The following GLIS3 variants were observed in gnomAD, a reference collection of about 807,000 sequenced individuals.
GLIS3 encodes GLIS family zinc finger 3.
A neutral mutation model predicts 78.6 loss-of-function variants in GLIS3; 53 were observed. The observed-to-expected ratio is 0.67, with a 90% confidence interval of 0.54 to 0.85. GLIS3 has a LOEUF of 0.85. Among genes scored for constraint, GLIS3 ranks in the 40% least tolerant of loss-of-function variants. The pLI is 0.00. For synonymous variants in GLIS3, 684 were observed against 509.9 expected (o/e 1.34, Z -4.60); for missense variants, 1,703 against 1,231.1 (o/e 1.38, Z -5.74).
chr9:3,912,296 G>C (rs1443340580), intron 6 of GLIS3, among the ~76,000 whole-genome samples: 3 of 152,126 alleles, frequency 2.0e-5, no homozygotes, highest in African/African-American at 7.2e-5. Flanking sequence ...TAGCGTCCCG[G>C]GGCAGTCTCC....
chr9:3,908,706 G>GTTTTTTTTTTTTTTTTT lies in GLIS3; in HGVS notation c.1984-9888_1984-9872dup, dbSNP rs34789708. Among the ~76,000 whole-genome samples, 21 of 85,562 alleles carry GTTTTTTTTTTTTTTTTT rather than the reference G, an allele frequency of 2.5e-4. 1 individual carries two copies. The highest frequency in any genetic ancestry group is 6.5e-4 in the African/African-American group (12 of 18,498). 56.1% of individuals were successfully genotyped at this position (85,562 alleles called of 152,430 possible). A position where few individuals can be genotyped will look rare whatever the true frequency, so the allele number is the denominator to read the frequency against. On this transcript the variant is annotated intron_variant, in intron 6 of 10. Transcript: ENST00000381971. ...GCACCATCAATTGTGATTTGTATTT[G>GTTTTTTTTTTTTTTTTT]TTTTTTTTTTTTTTTTTTTTTTGTA... is the stretch of plus-strand genomic sequence containing the variant.
chr9:4,406,183 T>A, the GLIS3 span, among the ~76,000 whole-genome samples: 1 of 152,126 alleles, frequency 6.6e-6, no homozygotes, highest in African/African-American at 2.4e-5. Flanking sequence ...ATGCCCACTT[T>A]CGTCACAATT....
chr9:4,345,433 T>G (rs1011950789), intron 2 of GLIS3, among the ~76,000 whole-genome samples: 5 of 152,216 alleles, frequency 3.3e-5, no homozygotes, highest in African/African-American at 1.2e-4. Context: ...CTGTTTATTG[T>G]CTGGCTCTCC....
At chr9:4,401,085 G>A in the GLIS3 span, among the ~76,000 whole-genome samples, 1 of 152,168 alleles carries the variant, frequency 6.6e-6, no homozygotes, top group South Asian at 2.1e-4. Flanking sequence ...CTCAGCCACA[G>A]TAGGACGAGC....
At chr9:4,194,214 C>T (rs535696345) in intron 2 of GLIS3, among the ~76,000 whole-genome samples, 3 of 152,112 alleles carry the variant, frequency 2.0e-5, no homozygotes, top group African/African-American at 2.4e-5. Flanking sequence ...CACGCTGCCA[C>T]GCCCAGCTAA....
intron 4 of GLIS3, among the ~76,000 whole-genome samples, chr9:4,076,114 A>G (rs1828031522): frequency 6.6e-6 from 1 of 152,238 alleles, no homozygotes; most frequent in Admixed American, 6.5e-5. Flanking sequence ...TAAAATATTT[A>G]CACTCTATTT....
chr9:4,005,351 G>A (rs1285473747), intron 4 of GLIS3, among the ~76,000 whole-genome samples: 1 of 152,164 alleles, frequency 6.6e-6, no homozygotes, highest in Admixed American at 6.5e-5. Flanking sequence ...GTGCATGGAT[G>A]CATATACATA....
At chr9:4,175,819 T>TC (rs1168020530) in intron 2 of GLIS3, among the ~76,000 whole-genome samples, 6 of 152,218 alleles carry the variant, frequency 3.9e-5, no homozygotes, top group Admixed American at 2.6e-4. Flanking sequence ...ATATTACATG[T>TC]CTTTTTTTGG....
intron 2 of GLIS3, among the ~76,000 whole-genome samples, chr9:4,180,231 A>G (rs1175694296): frequency 6.6e-6 from 1 of 152,148 alleles, no homozygotes. Context: ...AACAAAGAGT[A>G]TGGGACAGTT....
At chr9:4,133,859 CA>C (rs1833173394) in intron 2 of GLIS3, among the ~76,000 whole-genome samples, 17 of 98,306 alleles carry the variant, frequency 1.7e-4, no homozygotes, top group African/African-American at 3.5e-4. Flanking sequence ...CACACACACA[CA>C]CACACACACA....
chr9:3,965,188 C>CTTTTT (rs750454441), intron 4 of GLIS3, among the ~76,000 whole-genome samples: 5,969 of 96,306 alleles, frequency 0.062, 716 homozygotes, highest in East Asian at 0.11. Flanking sequence ...TCTTTCTTTT[C>CTTTTT]TTTTCTTTTT....
At chr9:3,855,978 A>G (rs1563779850) in intron 9 of GLIS3, 31 bp downstream of exon 9, 2 of 1,613,092 alleles carry the variant, frequency 1.2e-6, no homozygotes, top group Admixed American at 1.7e-5. Context: ...TCACTTTTCA[A>G]AACTCAAGGG....
Position 4,012,765 on chromosome 9 carries a change from CTTTTTTTTT to C in GLIS3, c.1711-75585_1711-75577del, listed in dbSNP as rs71324278. Among the ~76,000 whole-genome samples the C allele has an allele frequency of 6.9e-3, 458 of 66,520 alleles. 2 individuals carry two copies. The highest frequency in any genetic ancestry group is 0.024 in the African/African-American group (431 of 18,254). 43.6% of individuals were successfully genotyped at this position (66,520 alleles called of 152,430 possible). A position where few individuals can be genotyped will look rare whatever the true frequency, so the allele number is the denominator to read the frequency against. On this transcript the variant is annotated intron_variant, in intron 4 of 10. Transcript: ENST00000381971. ...TCTCTGGTTTCTTTTTTTTCTTTTT[CTTTTTTTTT>C]TTTTTTTTTTTTTTTGAGACAGTGT...
At chr9:4,441,675 C>T in the GLIS3 span, among the ~76,000 whole-genome samples, 4 of 152,088 alleles carry the variant, frequency 2.6e-5, no homozygotes, top group Admixed American at 6.6e-5. Flanking sequence ...CATGTGATCT[C>T]GGCTCCCTAC....
At chr9:4,456,104 T>C in the GLIS3 span, among the ~76,000 whole-genome samples, 2 of 151,654 alleles carry the variant, frequency 1.3e-5, no homozygotes, top group Non-Finnish European at 2.9e-5. Context: ...TGAGACTCCA[T>C]CTAAGAAAAA....
intron 4 of GLIS3, among the ~76,000 whole-genome samples, chr9:3,955,503 C>T (rs1057098758): frequency 1.3e-4 from 20 of 151,942 alleles, no homozygotes; most frequent in African/African-American, 4.8e-4. Flanking sequence ...TGTGACACCA[C>T]AAGAGATATT....
intron 2 of GLIS3, among the ~76,000 whole-genome samples, chr9:4,255,505 T>A (rs1272172621): frequency 1.3e-5 from 2 of 152,152 alleles, no homozygotes; most frequent in East Asian, 3.8e-4. Flanking sequence ...CAGTCGTATA[T>A]CCAGACAATG....
At chr9:4,429,748 G>A in the GLIS3 span, among the ~76,000 whole-genome samples, 2 of 152,220 alleles carry the variant, frequency 1.3e-5, no homozygotes, top group East Asian at 1.9e-4. Context: ...AGTGCTCAAC[G>A]TAATTTAAAA....
chr9:4,295,483 A>C (rs1240604657), intron 1 of GLIS3, among the ~76,000 whole-genome samples: 1 of 152,190 alleles, frequency 6.6e-6, no homozygotes, highest in African/African-American at 2.4e-5. Context: ...TGACCTAATA[A>C]AAGGTTGTTG....
Sources: allele counts gnomAD v4.1 joint callset (sites outside exome capture counted in the v4.1 genomes callset), GRCh38; gene constraint gnomAD v4.1.1; transcripts MANE v1.5; gene names NCBI Gene and HGNC (gene_info 2026-07-23, HGNC 2026-07-21).